The following BAP1 variants were observed in gnomAD, a reference collection of about 807,000 sequenced individuals.
The protein encoded by BAP1 is ubiquitin carboxyl-terminal hydrolase BAP1.
BAP1 carries 16 observed loss-of-function variants against 77.2 expected under a neutral mutation model. The ratio of observed to expected loss-of-function variants is 0.21; its 90% CI spans 0.14 to 0.31. BAP1 has a LOEUF of 0.31. Ranked by LOEUF, BAP1 falls within the 10% of genes least tolerant of loss-of-function variation. The pLI is 1.00. For missense variants in BAP1, 699 were observed against 967.3 expected (o/e 0.72, Z 3.68); for synonymous variants, 362 against 385.2 (o/e 0.94, Z 0.71).
rs537090290 is a variant in BAP1 at position 52,403,127 on chromosome 3, C to T, written c.1890+11G>A. On this transcript the variant is annotated intron_variant, in intron 14 of 16. Coordinates refer to ENST00000460680, the MANE Select transcript of BAP1 (RefSeq NM_004656.4). The surrounding 1 kb of genome is among the most constrained non-coding windows in gnomAD (Gnocchi z 4.0). Reference sequence around the variant, plus strand: ...CCAGGATTAAAGGAGAAAACCACAACGGAGGCTCACCTTGGGTGAGTATTT... The same window carrying T: ...CCAGGATTAAAGGAGAAAACCACAATGGAGGCTCACCTTGGGTGAGTATTT... 3.9e-5 allele frequency: 63 copies of T among 1,612,348 alleles called. No homozygotes were observed. In the East Asian group the frequency reaches 5.3e-4, roughly 14 times the overall value.
chr3:52,407,362 C>T (rs771011235), intron 6 of BAP1, 37 bp downstream of exon 6: 1 of 1,614,196 alleles, frequency 6.2e-7, no homozygotes, highest in South Asian at 1.1e-5. Context: ...ACTCCCCCTA[C>T]TCCCACCCCA....
intron 4 of BAP1, 72 bp downstream of exon 4, chr3:52,408,399 TTCC>T: frequency 6.4e-7 from 1 of 1,573,178 alleles, no homozygotes; most frequent in Non-Finnish European, 8.6e-7. Context: ...TCCTCCTGTC[TTCC>T]TCCATTTCCA....
chr3:52,403,702 G>A lies in BAP1; in HGVS notation c.1443C>T (p.His481=), dbSNP rs1343781223. ...AGSPAVAVPT[H]SQPSPTPSNE... ...TGCTGGGGGTGGGTGAGGGCTGCGA[G>A]TGTGTGGGCACTGCCACAGCCGGAC... The change falls in exon 13 of 17, where the codon CAC becomes CAT. Residue 481 remains histidine (H), a synonymous_variant. Transcript: ENST00000460680. This position sits in a 1 kb window ranked among gnomAD's most constrained non-coding sequence, Gnocchi z 4.0. The A allele has an allele frequency of 6.2e-7, 1 of 1,614,048 alleles. No individual in the cohort carries two copies. Among genetic ancestry groups the A allele is most frequent in the Non-Finnish European group, 8.5e-7 (1 of 1,180,006 alleles).
chr3:52,405,693 T>C (rs2153227163), intron 10 of BAP1, 72 bp downstream of exon 10: 3 of 1,592,610 alleles, frequency 1.9e-6, no homozygotes, highest in South Asian at 2.3e-5. Context: ...AGACTTTCCC[T>C]GTTTAGGCCT....
intron 10 of BAP1, chr3:52,405,533 G>C (rs921850843): frequency 8.6e-5 from 47 of 544,766 alleles, no homozygotes; most frequent in African/African-American, 4.1e-4. Flanking sequence ...CGCCTCTAGA[G>C]AAAACAAGAA....
rs2153227603 is a variant in BAP1 at position 52,406,794 on chromosome 3, C to T, written c.659+35G>A. The T allele has an allele frequency of 6.5e-7, 1 of 1,550,280 alleles. No individual in the cohort carries two copies. The highest frequency in any genetic ancestry group is 8.7e-7 in the Non-Finnish European group (1 of 1,145,524). ...GTCCCTCCCAAAGTAGGTACAGCTC[C>T]AGAGAGTAGAACAGGGCAGGCACAG... On this transcript the variant is annotated intron_variant, in intron 8 of 16. Coordinates refer to ENST00000460680, the MANE Select transcript of BAP1 (RefSeq NM_004656.4). The surrounding 1 kb of genome is among the most constrained non-coding windows in gnomAD (Gnocchi z 4.6).
intron 12 of BAP1, among the ~76,000 whole-genome samples, chr3:52,404,096 C>T (rs1705068081): frequency 6.6e-6 from 1 of 152,346 alleles, no homozygotes; most frequent in Middle Eastern, 3.4e-3. Flanking sequence ...AAAGACACTT[C>T]CTCTATTCCA....
chr3:52,409,940 C>G lies in BAP1; in HGVS notation c.-62G>C, dbSNP rs1326977863. The G allele has an allele frequency of 6.3e-7, 1 of 1,576,612 alleles. No homozygotes were observed. The highest frequency in any genetic ancestry group is 1.7e-5 in the Admixed American group (1 of 58,022). On this transcript the variant is annotated 5_prime_UTR_variant, in exon 1 of 17. Transcript: ENST00000460680. ...CCCTCCCTCCCCACCGCTGCCCCCA[C>G]CGGGAGCCCCCACCGCCCCCGGGGC...
In BAP1 at chr3:52,402,988, C is replaced by G; in HGVS notation, c.1891-117G>C. On this transcript the variant is annotated intron_variant, in intron 14 of 16. Coordinates refer to ENST00000460680, the MANE Select transcript of BAP1 (RefSeq NM_004656.4). This position sits in a 1 kb window ranked among gnomAD's most constrained non-coding sequence, Gnocchi z 5.3. Reference sequence around the variant, plus strand: ...AGTCCATGCCTATCAAGGCCCCTGCCACCACCCAACCCAGAAAGTCTTCTG... The same window carrying G: ...AGTCCATGCCTATCAAGGCCCCTGCGACCACCCAACCCAGAAAGTCTTCTG... 6.3e-7 allele frequency: 1 copy of G among 1,598,806 alleles called. No homozygotes were observed.
chr3:52,406,076 C>T lies in BAP1; in HGVS notation c.784-164G>A, dbSNP rs920620719. ...AAACTTCCTTTTAGAAGCTATTCTC[C>T]CTCCCCACTCCAAGTCCCACCTTTC... On this transcript the variant is annotated intron_variant, in intron 9 of 16. Transcript: ENST00000460680. The surrounding 1 kb of genome is among the most constrained non-coding windows in gnomAD (Gnocchi z 4.6). Among the ~76,000 whole-genome samples, 15 of 152,218 alleles carry T rather than the reference C, an allele frequency of 9.9e-5. No homozygotes were observed. The highest frequency in any genetic ancestry group is 2.1e-4 in the Non-Finnish European group (14 of 68,042).
chr3:52,408,716 G>T, intron 3 of BAP1, 110 bp from the exon 4 acceptor site: 1 of 1,352,820 alleles, frequency 7.4e-7, no homozygotes, highest in Non-Finnish European at 1.0e-6. Flanking sequence ...AGGTGTCCTT[G>T]CTGTGATCCC....
In BAP1 at chr3:52,403,914, G is replaced by A; in HGVS notation, c.1251-20C>T. The A allele has an allele frequency of 3.1e-6, 5 of 1,613,010 alleles. No individual in the cohort carries two copies. The highest frequency in any genetic ancestry group is 3.4e-6 in the Non-Finnish European group (4 of 1,179,488). ...TTATACCTGTGGGGCCCGAGAAGAT[G>A]TGAAGCAAGGGAACGGGCCAGGTGA... On this transcript the variant is annotated intron_variant, in intron 12 of 16. Coordinates refer to ENST00000460680, the MANE Select transcript of BAP1 (RefSeq NM_004656.4). This position sits in a 1 kb window ranked among gnomAD's most constrained non-coding sequence, Gnocchi z 4.0.
intron 9 of BAP1, 50 bp from the exon 10 acceptor site, chr3:52,405,962 T>C (rs947806299): frequency 1.2e-6 from 2 of 1,611,198 alleles, no homozygotes; most frequent in Non-Finnish European, 8.5e-7. Context: ...CCCGGGCTTC[T>C]ACCTTAAATA....
At position 52,402,763 on chromosome 3, in the gene BAP1, T is replaced by A; in HGVS notation, c.1983+16A>T. On this transcript the variant is annotated intron_variant, in intron 15 of 16. Coordinates refer to ENST00000460680, the MANE Select transcript of BAP1 (RefSeq NM_004656.4). This position sits in a 1 kb window ranked among gnomAD's most constrained non-coding sequence, Gnocchi z 5.3. ...CTCGGGAGAGGCCAGATCAGGCAAC[T>A]GGAGAAATCACCCACCTTGAACTTC... 6.2e-7 allele frequency: 1 copy of A among 1,614,210 alleles called. No homozygotes were observed. Among genetic ancestry groups the A allele is most frequent in the Non-Finnish European group, 8.5e-7 (1 of 1,180,024 alleles).
rs2153226450 is a variant in BAP1, at chr3:52,403,172, C to G, written c.1856G>C (p.Gly619Ala). The G allele has an allele frequency of 6.2e-7, 1 of 1,614,076 alleles. No individual in the cohort carries two copies. Among genetic ancestry groups the G allele is most frequent in the Non-Finnish European group, 8.5e-7 (1 of 1,180,036 alleles). ...SREKTGMVRP[G>A]EPLSGEKYSP... ...GTATTTCTCCCCACTCAAGGGCTCGCCAGGCCTCACCATCCCCGTCTTCTC... is the reference window on the plus strand; with the variant it reads ...GTATTTCTCCCCACTCAAGGGCTCGGCAGGCCTCACCATCCCCGTCTTCTC... The change falls in exon 14 of 17, where the codon GGC (glycine) becomes GCC (alanine). Residue 619 changes from glycine to alanine, a missense_variant. By Grantham distance (60) the Gly-to-Ala change is moderately conservative. This residue lies in a region of BAP1 where 475 missense variants were observed against 532.4 expected (regional missense o/e 0.89). Coordinates refer to ENST00000460680, the MANE Select transcript of BAP1 (RefSeq NM_004656.4). This position sits in a 1 kb window ranked among gnomAD's most constrained non-coding sequence, Gnocchi z 4.0.
rs1372457109 is a variant in BAP1, at chr3:52,403,439, A to G, written c.1706T>C (p.Val569Ala). 4 of 1,613,708 alleles carry G rather than the reference A, an allele frequency of 2.5e-6. No homozygotes were observed. In the South Asian group the frequency reaches 4.4e-5, roughly 18 times the overall value. Residue 569 changes from valine to alanine, a missense_variant, in exon 13 of 17, where the codon GTG (valine) becomes GCG (alanine). Val to Ala is a moderately conservative substitution (Grantham distance 64). This residue lies in a region of BAP1 where 475 missense variants were observed against 532.4 expected (regional missense o/e 0.89). Coordinates refer to ENST00000460680, the MANE Select transcript of BAP1 (RefSeq NM_004656.4). This position sits in a 1 kb window ranked among gnomAD's most constrained non-coding sequence, Gnocchi z 4.0. ...ACCTGTCAGCGCCAGGGGACTCAGC[A>G]CCCCATCCTCAGCCAGGTGCAGCAG... is the stretch of plus-strand genomic sequence containing the variant. ...TGLLHLAEDG[V>A]LSPLALTEGG... is the part of the protein sequence containing the mutation.
chr3:52,402,716 G>A lies in BAP1; in HGVS notation c.1984-42C>T, dbSNP rs757077441. 2 of 1,614,004 alleles carry A rather than the reference G, an allele frequency of 1.2e-6. No individual in the cohort carries two copies. Among genetic ancestry groups the A allele is most frequent in the South Asian group, 1.1e-5 (1 of 91,086 alleles). On this transcript the variant is annotated intron_variant, in intron 15 of 16. Coordinates refer to ENST00000460680, the MANE Select transcript of BAP1 (RefSeq NM_004656.4). This position sits in a 1 kb window ranked among gnomAD's most constrained non-coding sequence, Gnocchi z 5.3. ...GACTGAGAGCACTGGAGCCAATCTT[G>A]CCAGAGCAGCCACCAGTGGACCTCG...
At position 52,406,263 on chromosome 3, in the gene BAP1, G is replaced by C. The variant is rs2153227424; in HGVS notation, c.773C>G (p.Ala258Gly). 6.2e-7 allele frequency: 1 copy of C among 1,614,192 alleles called. No homozygotes were observed. The highest frequency in any genetic ancestry group is 8.5e-7 in the Non-Finnish European group (1 of 1,180,034). ...AGAAAGGGCACCTACCTGCTGCAGA[G>C]CCTCTAGTACTGTCTGACGGTTCAC... ...LKVNRQTVLE[A>G]LQQLIRVTQP... Residue 258 changes from alanine (A) to glycine (G), a missense_variant, in exon 9 of 17, where the codon GCT becomes GGT. Physicochemically the swap from Ala to Gly is moderately conservative, Grantham distance 60. This residue lies in a region of BAP1 where 475 missense variants were observed against 532.4 expected (regional missense o/e 0.89). Coordinates refer to ENST00000460680, the MANE Select transcript of BAP1 (RefSeq NM_004656.4). The surrounding 1 kb of genome is among the most constrained non-coding windows in gnomAD (Gnocchi z 4.6).
chr3:52,407,314 G>A lies in BAP1; in HGVS notation c.440C>T (p.Pro147Leu), dbSNP rs775836183. 16 of 1,614,012 alleles carry A rather than the reference G, an allele frequency of 9.9e-6. No individual in the cohort carries two copies. The highest frequency in any genetic ancestry group is 1.4e-5 in the Non-Finnish European group (16 of 1,180,036). ...CTTCTCAGGGAGGTGGCGTGGCTCG[G>A]GCCTGGGGAAAAACAGAGTCAGGGC... ...LAKAHNSHAR[P>L]EPRHLPEKQN... The change falls in exon 7 of 17, where the codon CCC (proline) becomes CTC (leucine). Residue 147 changes from proline (P) to leucine (L), a missense_variant and splice_region_variant. Around this residue, in one of 3 missense-constraint regions of BAP1, gnomAD observed 160 missense variants for 322.8 expected, o/e 0.50. Transcript: ENST00000460680.
Sources: gnomAD v4.1 joint callset for allele counts (sites outside exome capture counted in the v4.1 genomes callset) on GRCh38, gnomAD v4.1.1 for gene constraint, gnomAD v4.1.1 regional missense constraint, Gnocchi (gnomAD v3.1) non-coding constraint, MANE v1.5 for transcripts, NCBI Gene and HGNC (gene_info 2026-07-23, HGNC 2026-07-21) for gene names.